SMG7: variants seen among roughly 807,000 people sequenced by gnomAD.
SMG7 encodes SMG7 nonsense mediated mRNA decay factor, also known as nonsense-mediated mRNA decay factor SMG7.
Under a neutral mutation model 148.2 loss-of-function variants are expected in SMG7, and 34 were observed. The observed-to-expected ratio is 0.23, with a 90% CI of 0.17 to 0.31. The LOEUF is 0.31. Among genes scored for constraint, SMG7 ranks in the 10% least tolerant of loss-of-function variants. The pLI, the probability that SMG7 is intolerant of heterozygous loss-of-function variation, is 1.00. For missense variants in SMG7, 1,114 were observed against 1,408.4 expected, an observed-to-expected ratio of 0.79 and a Z score of 3.35; for synonymous variants, 492 against 515.1, an observed-to-expected ratio of 0.96 and a Z score of 0.61.
At chr1:183,477,745 T>C (rs1652958563) in intron 1 of SMG7, among the ~76,000 whole-genome samples, 1 of 151,648 alleles carries the variant, frequency 6.6e-6, no homozygotes, top group African/African-American at 2.4e-5. Flanking sequence ...TATATACATG[T>C]GTGTGCATAT....
In SMG7 at chr1:183,550,838, T is replaced by C; in HGVS notation, c.3221T>C (p.Val1074Ala). ...SSPPTHNHNS[V>A]PFSNFGPIGT... is the part of the protein sequence containing the mutation. Reference sequence around the variant, plus strand: ...CCTCCAACACACAACCATAATTCTGTTCCATTCTCCAATTTTGGACCCATT... The same window carrying C: ...CCTCCAACACACAACCATAATTCTGCTCCATTCTCCAATTTTGGACCCATT... The change falls in exon 21 of 23, where the codon GTT becomes GCT. Residue 1074 changes from valine to alanine, a missense_variant. This residue lies in a region of SMG7 where 788 missense variants were observed against 894.5 expected (regional missense o/e 0.88). Coordinates refer to ENST00000688051, the MANE Select transcript of SMG7 (RefSeq NM_001375584.1). The C allele has an allele frequency of 6.2e-7, 1 of 1,614,138 alleles. No individual in the cohort carries two copies. The highest frequency in any genetic ancestry group is 1.7e-5 in the Admixed American group (1 of 60,016).
chr1:183,487,009 A>G (rs1413553706), intron 1 of SMG7, among the ~76,000 whole-genome samples: 1 of 152,224 alleles, frequency 6.6e-6, no homozygotes, highest in Non-Finnish European at 1.5e-5. Flanking sequence ...CAAGGAACAG[A>G]AAAAACACTG....
chr1:183,483,819 C>A (rs181179235), intron 1 of SMG7, among the ~76,000 whole-genome samples: 128 of 152,180 alleles, frequency 8.4e-4, no homozygotes, highest in Middle Eastern at 3.4e-3. Context: ...GCCATAAATT[C>A]TGGTTTATGA....
At chr1:183,538,757 T>A (rs1668241619) in intron 12 of SMG7, among the ~76,000 whole-genome samples, 1 of 152,194 alleles carries the variant, frequency 6.6e-6, no homozygotes, top group South Asian at 2.1e-4. Context: ...TTCCTTTCTT[T>A]TTTAAACAAC....
Position 183,515,890 on chromosome 1 carries a change from A to C in SMG7, c.78A>C (p.Pro26=), listed in dbSNP as rs149986769. The C allele has an allele frequency of 1.2e-6, 2 of 1,612,442 alleles. No homozygotes were observed. The highest frequency in any genetic ancestry group is 1.7e-6 in the Non-Finnish European group (2 of 1,178,832). Reference sequence around the variant, plus strand: ...GTTACTCAGATTCTAAGCTGGGTCCAGCTGAAGTCTGGACATCCAGGCAGG... The same window carrying C: ...GTTACTCAGATTCTAAGCTGGGTCCCGCTGAAGTCTGGACATCCAGGCAGG... ...KADMTDSKLG[P]AEVWTSRQAL... is the part of the protein sequence containing the mutation. The change falls in exon 3 of 23, where the codon CCA becomes CCC. Residue 26 remains proline (P), a synonymous_variant. Coordinates refer to ENST00000688051, the MANE Select transcript of SMG7 (RefSeq NM_001375584.1).
chr1:183,479,845 A>T (rs1055077182), intron 1 of SMG7, among the ~76,000 whole-genome samples: 3 of 152,154 alleles, frequency 2.0e-5, no homozygotes, highest in Non-Finnish European at 4.4e-5. Context: ...TGGTTTGTAC[A>T]TTGAAAGATG....
At position 183,542,209 on chromosome 1, in the gene SMG7, G is replaced by A. The variant is rs762238851; in HGVS notation, c.1549G>A (p.Ala517Thr). ...AACATCTGTGATAGAGTCGCTGGCT[G>A]CAGATGGGAGCCCAGGGCTAAAATC... ...QETSVIESLAADGSPGLKSVL... is the reference protein window; with the variant it reads ...QETSVIESLATDGSPGLKSVL... The change falls in exon 14 of 23, where the codon GCA becomes ACA. Residue 517 changes from alanine to threonine, a missense_variant. Ala to Thr is a moderately conservative substitution (Grantham distance 58). Around this residue, in one of 4 missense-constraint regions of SMG7, gnomAD observed 788 missense variants for 894.5 expected, o/e 0.88. Transcript: ENST00000688051. The A allele has an allele frequency of 2.1e-5, 34 of 1,613,988 alleles. No individual in the cohort carries two copies. The highest frequency in any genetic ancestry group is 1.6e-4 in the Middle Eastern group (1 of 6,084).
chr1:183,507,429 A>C (rs1309172035), intron 1 of SMG7, among the ~76,000 whole-genome samples: 1 of 152,156 alleles, frequency 6.6e-6, no homozygotes, highest in Non-Finnish European at 1.5e-5. Context: ...CTATTATATA[A>C]TATCATAAAA....
rs746953155 is a variant in SMG7 at position 183,547,131 on chromosome 1, C to T, written c.2771C>T (p.Pro924Leu). ...EDPKSSPLLP[P>L]DLLKSLAALE... Reference sequence around the variant, plus strand: ...CCCAAGAGCTCCCCTCTGCTTCCTCCGGACCTGTTAAAGAGTCTGGCTGCC... The same window carrying T: ...CCCAAGAGCTCCCCTCTGCTTCCTCTGGACCTGTTAAAGAGTCTGGCTGCC... Residue 924 changes from proline to leucine, a missense_variant, in exon 18 of 23, where the codon CCG becomes CTG. Pro to Leu is a moderately conservative substitution (Grantham distance 98). This residue lies in a region of SMG7 where 788 missense variants were observed against 894.5 expected (regional missense o/e 0.88). Coordinates refer to ENST00000688051, the MANE Select transcript of SMG7 (RefSeq NM_001375584.1). The T allele has an allele frequency of 8.4e-6, 13 of 1,550,478 alleles. No individual in the cohort carries two copies. The highest frequency in any genetic ancestry group is 4.9e-5 in the East Asian group (2 of 40,920).
chr1:183,537,799 A>G (rs1011451953), intron 11 of SMG7, among the ~76,000 whole-genome samples: 1 of 152,214 alleles, frequency 6.6e-6, no homozygotes, highest in Non-Finnish European at 1.5e-5. Context: ...TGGAAGTGCT[A>G]TAATCTATTT....
At chr1:183,507,935 GAC>G (rs1216643891) in intron 1 of SMG7, among the ~76,000 whole-genome samples, 6 of 151,788 alleles carry the variant, frequency 4.0e-5, no homozygotes, top group South Asian at 2.1e-4. Flanking sequence ...TAATAACTAA[GAC>G]AATATATTTC....
At position 183,552,136 on chromosome 1, in the gene SMG7, C is replaced by A. The variant is rs960107014; in HGVS notation, c.*205C>A. On this transcript the variant is annotated 3_prime_UTR_variant, in exon 23 of 23. Transcript: ENST00000688051. ...GAAAAATCCATCAGGAACTCTCCGT[C>A]CCCCCGGGGCCCTCCGGAGGGAGAG... The A allele has an allele frequency of 3.2e-6, 4 of 1,251,654 alleles. No homozygotes were observed. Among genetic ancestry groups the A allele is most frequent in the South Asian group, 2.8e-5 (1 of 35,784 alleles). The allele number at this position is 1,251,654 out of a possible 1,614,324, so 77.5% of individuals were successfully genotyped here.
intron 3 of SMG7, among the ~76,000 whole-genome samples, chr1:183,516,881 G>A (rs543259362): frequency 1.3e-5 from 2 of 152,322 alleles, no homozygotes; most frequent in African/African-American, 4.8e-5. Flanking sequence ...CTCAGAAGCT[G>A]ATGTTGATAT....
At chr1:183,498,626 A>G (rs1206556402) in intron 1 of SMG7, among the ~76,000 whole-genome samples, 4 of 152,246 alleles carry the variant, frequency 2.6e-5, no homozygotes, top group Admixed American at 6.5e-5. Context: ...TTAGGTTTAC[A>G]GACAAATTGC....
At position 183,550,048 on chromosome 1, in the gene SMG7, G is replaced by A. The variant is rs185666443; in HGVS notation, c.3133+125G>A. On this transcript the variant is annotated intron_variant, in intron 20 of 22. Transcript: ENST00000688051. ...GGTTATTTTTATTTTTTGTTTGTTT[G>A]TTTTTGTAACTTCTGAAAGGAAATA... The A allele has an allele frequency of 5.9e-5, 40 of 680,202 alleles. No individual in the cohort carries two copies. The African/African-American group carries it at 6.5e-4, about 11-fold the overall frequency. 42.1% of individuals were successfully genotyped at this position (680,202 alleles called of 1,614,324 possible).
At chr1:183,538,704 C>T (rs114315148) in intron 12 of SMG7, among the ~76,000 whole-genome samples, 359 of 152,328 alleles carry the variant, frequency 2.4e-3, no homozygotes, top group African/African-American at 8.4e-3. Context: ...CTTGCTCCAT[C>T]TGTTATCCTC....
intron 12 of SMG7, among the ~76,000 whole-genome samples, chr1:183,539,819 T>C (rs1430528218): frequency 1.3e-5 from 2 of 152,250 alleles, no homozygotes; most frequent in Non-Finnish European, 2.9e-5. Context: ...CTATACATAG[T>C]TCAGGCTTTT....
intron 13 of SMG7, 21 bp downstream of exon 13, chr1:183,541,124 C>G (rs765074239): frequency 2.5e-5 from 41 of 1,609,258 alleles, no homozygotes; most frequent in Non-Finnish European, 3.4e-5. Context: ...AACTTCTGGT[C>G]TACCCCTTTT....
At chr1:183,526,868 A>ATTGTGT in intron 5 of SMG7, 101 bp downstream of exon 5, 1 of 893,774 alleles carries the variant, frequency 1.1e-6, no homozygotes, top group Non-Finnish European at 1.6e-6. Flanking sequence ...TACACACACA[A>ATTGTGT]TTTAGATTGT....
Sources: allele counts gnomAD v4.1 joint callset (sites outside exome capture counted in the v4.1 genomes callset), GRCh38; gene constraint gnomAD v4.1.1; regional missense constraint gnomAD v4.1.1; transcripts MANE v1.5; gene names NCBI Gene and HGNC (gene_info 2026-07-23, HGNC 2026-07-21).